SMCO2: variants seen among roughly 807,000 people sequenced by gnomAD.
SMCO2 encodes single-pass membrane protein with coiled-coil domains 2, also known as single-pass membrane and coiled-coil domain-containing protein 2.
SMCO2 carries 25 observed loss-of-function variants against 29.5 expected under a neutral mutation model. The observed-to-expected ratio is 0.85, with a 90% confidence interval of 0.62 to 1.18. The LOEUF (loss-of-function observed/expected upper bound fraction) is 1.18, where lower values mean the gene tolerates loss of function less well. Ranked by LOEUF, SMCO2 falls within the 50% of genes most tolerant of loss-of-function variation. The probability of loss-of-function intolerance (pLI) is 0.00; values close to 1 mark genes in which losing one functional copy is unlikely to be tolerated. For missense variants in SMCO2, 348 were observed against 344.5 expected, an observed-to-expected ratio of 1.01 and a Z score of -0.08; for synonymous variants, 117 against 123.3, an observed-to-expected ratio of 0.95 and a Z score of 0.34.
chr12:27,472,121 G>A (rs140981483), intron 2 of SMCO2, among the ~76,000 whole-genome samples: 282 of 152,154 alleles, frequency 1.9e-3, no homozygotes, highest in Middle Eastern at 3.4e-3. Context: ...AAACGAAGCC[G>A]CTCTGTATGT....
the SMCO2 span, among the ~76,000 whole-genome samples, chr12:27,445,605 G>A: frequency 1.2e-4 from 19 of 152,152 alleles, no homozygotes; most frequent in African/African-American, 4.6e-4. Flanking sequence ...TGTTACAGCT[G>A]CAATTCACTC....
chr12:27,487,538 G>A (rs404136), intron 4 of SMCO2, among the ~76,000 whole-genome samples: 18,670 of 152,052 alleles, frequency 0.12, 2,213 homozygotes, highest in African/African-American at 0.29. Context: ...GAATATACGC[G>A]TACTATGGGA....
chr12:27,450,274 C>G, the SMCO2 span, among the ~76,000 whole-genome samples: 4 of 152,244 alleles, frequency 2.6e-5, no homozygotes, highest in Admixed American at 6.5e-5. Flanking sequence ...AGGCAGGCAC[C>G]CTATTTCTCT....
chr12:27,431,966 AGCC>A, the SMCO2 span, among the ~76,000 whole-genome samples: 1 of 152,162 alleles, frequency 6.6e-6, no homozygotes, highest in Non-Finnish European at 1.5e-5. Flanking sequence ...ATTGGATAGT[AGCC>A]ATCCTAATGG....
At chr12:27,447,084 A>T in the SMCO2 span, among the ~76,000 whole-genome samples, 89 of 152,306 alleles carry the variant, frequency 5.8e-4, 1 homozygote, top group East Asian at 0.014. Context: ...TGGAAAGCAC[A>T]GATCCGATAA....
chr12:27,445,042 A>G, the SMCO2 span, among the ~76,000 whole-genome samples: 2 of 152,330 alleles, frequency 1.3e-5, no homozygotes, highest in African/African-American at 4.8e-5. Flanking sequence ...CTTTGCAGCA[A>G]CATGGATAGA....
chr12:27,424,939 G>C, the SMCO2 span: 4 of 152,156 alleles, frequency 2.6e-5, no homozygotes, highest in Non-Finnish European at 4.4e-5. Flanking sequence ...TGTTTTATGA[G>C]AAATGCTTTC....
At chr12:27,463,053 A>G (rs969170574), upstream of SMCO2, among the ~76,000 whole-genome samples, 18 of 152,200 alleles carry the variant, frequency 1.2e-4, no homozygotes, top group African/African-American at 2.7e-4. Flanking sequence ...GGTTAGAGCC[A>G]GCTGCCGGCC....
chr12:27,491,414 T>C (rs1017194812), intron 5 of SMCO2, among the ~76,000 whole-genome samples: 1 of 152,152 alleles, frequency 6.6e-6, no homozygotes, highest in African/African-American at 2.4e-5. Flanking sequence ...CCAGTTATCT[T>C]TGATAAGTGC....
chr12:27,428,422 T>C, the SMCO2 span, among the ~76,000 whole-genome samples: 1 of 152,214 alleles, frequency 6.6e-6, no homozygotes, highest in South Asian at 2.1e-4. Flanking sequence ...TTTCTCACTG[T>C]CATAATTTTT....
intron 5 of SMCO2, among the ~76,000 whole-genome samples, chr12:27,492,615 C>G (rs1942932048): frequency 6.6e-6 from 1 of 152,110 alleles, no homozygotes; most frequent in South Asian, 2.1e-4. Context: ...AAATGCAAAT[C>G]AAAACCACAA....
Position 27,501,949 on chromosome 12 carries a change from T to C in SMCO2, c.710T>C (p.Met237Thr), listed in dbSNP as rs1943084013. Residue 237 changes from methionine (M) to threonine (T), a missense_variant, in exon 8 of 8, where the codon ATG (methionine) becomes ACG (threonine). Coordinates refer to ENST00000298876, the Ensembl canonical transcript of SMCO2. ...AAACGTGCACTGAGGATTTTCATCA[T>C]GTTTGATGTCCTCACCGTCACTGGA... The C allele has an allele frequency of 7.1e-6, 11 of 1,543,718 alleles. No individual in the cohort carries two copies. Among genetic ancestry groups the C allele is most frequent in the Non-Finnish European group, 8.7e-6 (10 of 1,144,350 alleles).
the SMCO2 span, among the ~76,000 whole-genome samples, chr12:27,430,790 T>TAC: frequency 1.3e-5 from 2 of 152,142 alleles, no homozygotes; most frequent in Non-Finnish European, 2.9e-5. Flanking sequence ...TCCCCCATTT[T>TAC]ACACACAAGC....
chr12:27,472,879 G>A lies in SMCO2; in HGVS notation c.234+4G>A. On this transcript the variant is annotated splice_donor_region_variant and intron_variant, in intron 3 of 7. Transcript: ENST00000298876. ...TCAAACTGACTTCCTTCACAAGGTA[G>A]ACACTGAAAAATGGGTAAGAGAGAC... 6.5e-7 allele frequency: 1 copy of A among 1,548,694 alleles called. No individual in the cohort carries two copies. The highest frequency in any genetic ancestry group is 8.7e-7 in the Non-Finnish European group (1 of 1,145,012).
rs143219962 is a variant in SMCO2, at chr12:27,468,677, G to T, written c.-11+1702G>T. 3.6e-3 allele frequency among the ~76,000 whole-genome samples: 555 copies of T among 152,304 alleles called. 1 individual carries two copies. Among genetic ancestry groups the T allele is most frequent in the African/African-American group, 0.013 (527 of 41,562 alleles). On this transcript the variant is annotated intron_variant, in intron 1 of 7. Coordinates refer to ENST00000298876, the Ensembl canonical transcript of SMCO2. ...ACAGGAAGTTCTATTGGAGAGCCCT[G>T]GTCTAGGTCATCTTTGGAGGTGGGA...
chr12:27,447,912 C>T, the SMCO2 span, among the ~76,000 whole-genome samples: 5 of 152,068 alleles, frequency 3.3e-5, no homozygotes, highest in Non-Finnish European at 7.4e-5. Context: ...CAGCCGAGTG[C>T]CTCTCCTATG....
At chr12:27,459,080 G>A in the SMCO2 span, among the ~76,000 whole-genome samples, 18 of 148,678 alleles carry the variant, frequency 1.2e-4, no homozygotes, top group East Asian at 1.0e-3. Flanking sequence ...CCAGCTACTC[G>A]GGAGGCTGAG....
the SMCO2 span, among the ~76,000 whole-genome samples, chr12:27,441,647 T>TACTTTAA: frequency 6.8e-6 from 1 of 146,594 alleles, no homozygotes. Context: ...AACACCTCAT[T>TACTTTAA]CACAGTAATA....
the SMCO2 span, among the ~76,000 whole-genome samples, chr12:27,460,857 T>A: frequency 6.6e-6 from 1 of 152,168 alleles, no homozygotes; most frequent in African/African-American, 2.4e-5. Context: ...ACTGCTTCCT[T>A]TTCCAACAGC....
Sources: allele counts gnomAD v4.1 joint callset (sites outside exome capture counted in the v4.1 genomes callset), GRCh38; gene constraint gnomAD v4.1.1; transcripts MANE v1.5; gene names NCBI Gene and HGNC (gene_info 2026-07-23, HGNC 2026-07-21).